Variants in CSMD1 observed in about 807,000 individuals in gnomAD.
CSMD1 encodes CUB and Sushi multiple domains 1, also known as CUB and sushi domain-containing protein 1.
CSMD1 carries 213 observed loss-of-function variants against 417.5 expected under a neutral mutation model. That is an observed-to-expected ratio of 0.51 (90% CI 0.46 to 0.57). The LOEUF is 0.57. CSMD1 is among the 20% of genes least tolerant of loss of function. The probability of loss-of-function intolerance (pLI) is 0.00; values close to 1 mark genes in which losing one functional copy is unlikely to be tolerated. For synonymous variants in CSMD1, 2,862 were observed against 1,736.8 expected (o/e 1.65, Z -16.11); for missense variants, 6,923 against 4,529.7 (o/e 1.53, Z -15.17).
chr8:4,199,262 A>G (rs1337020276), intron 3 of CSMD1, among the ~76,000 whole-genome samples: 2 of 152,228 alleles, frequency 1.3e-5, no homozygotes, highest in Non-Finnish European at 2.9e-5. Flanking sequence ...CGCTAAATTC[A>G]TACATCTTCT....
chr8:4,187,701 A>G (rs1161534095), intron 3 of CSMD1, among the ~76,000 whole-genome samples: 1 of 144,886 alleles, frequency 6.9e-6, no homozygotes, highest in Admixed American at 7.0e-5. Context: ...AAAAGCATTC[A>G]GGAAGTTTAT....
intron 1 of CSMD1, among the ~76,000 whole-genome samples, chr8:4,908,490 G>A (rs1697801425): frequency 6.6e-6 from 1 of 152,054 alleles, no homozygotes; most frequent in African/African-American, 2.4e-5. Flanking sequence ...ATTTTACGGT[G>A]TACCTTTTGA....
intron 1 of CSMD1, among the ~76,000 whole-genome samples, chr8:4,935,788 C>A (rs867086455): frequency 6.6e-6 from 1 of 152,160 alleles, no homozygotes; most frequent in African/African-American, 2.4e-5. Context: ...ACGAGGAATA[C>A]AAGAATAGGA....
At chr8:4,752,035 T>C (rs1284319375) in intron 1 of CSMD1, among the ~76,000 whole-genome samples, 1 of 152,210 alleles carries the variant, frequency 6.6e-6, no homozygotes. Flanking sequence ...TAAATATGTA[T>C]ATGCAAACTG....
At position 4,214,648 on chromosome 8, in the gene CSMD1, G is replaced by T. The variant is rs193104650; in HGVS notation, c.416-182549C>A. Among the ~76,000 whole-genome samples, 45 of 152,196 alleles carry T rather than the reference G, an allele frequency of 3.0e-4. No homozygotes were observed. In the East Asian group the frequency reaches 8.1e-3, roughly 27 times the overall value. On this transcript the variant is annotated intron_variant, in intron 3 of 69. Coordinates refer to ENST00000635120, the MANE Select transcript of CSMD1 (RefSeq NM_033225.6). ...ACACTGAGTATGTATTTGCATGCAC[G>T]TGTATGTGTGTGTGTATGAGTATGA...
chr8:3,533,710 T>C (rs1231644420), intron 10 of CSMD1, among the ~76,000 whole-genome samples: 2 of 152,214 alleles, frequency 1.3e-5, no homozygotes, highest in Non-Finnish European at 2.9e-5. Context: ...TCCACCGTGA[T>C]GTATCATCCT....
chr8:3,639,999 G>C (rs1217623064), intron 7 of CSMD1, among the ~76,000 whole-genome samples: 1 of 152,304 alleles, frequency 6.6e-6, no homozygotes, highest in East Asian at 1.9e-4. Context: ...TTGGGATATA[G>C]TAGGTGCTCA....
chr8:3,552,333 T>A (rs1013370489), intron 10 of CSMD1, among the ~76,000 whole-genome samples: 1 of 152,204 alleles, frequency 6.6e-6, no homozygotes, highest in Non-Finnish European at 1.5e-5. Context: ...TATTCTCTTT[T>A]TTTTTGCATA....
intron 3 of CSMD1, among the ~76,000 whole-genome samples, chr8:4,217,489 T>A (rs1481320453): frequency 6.6e-6 from 1 of 152,130 alleles, no homozygotes; most frequent in African/African-American, 2.4e-5. Flanking sequence ...AAGGGTCACA[T>A]GACTCGTCCC....
At chr8:4,921,529 G>A (rs1421656458) in intron 1 of CSMD1, among the ~76,000 whole-genome samples, 2 of 152,102 alleles carry the variant, frequency 1.3e-5, no homozygotes, top group African/African-American at 4.8e-5. Flanking sequence ...TATATAGTTG[G>A]TAAAATGGCA....
intron 25 of CSMD1, among the ~76,000 whole-genome samples, chr8:3,291,863 T>A (rs1211763978): frequency 1.8e-4 from 28 of 152,298 alleles, no homozygotes; most frequent in Admixed American, 1.6e-3. Flanking sequence ...TCTTGCCTTC[T>A]GCTAGCTTTT....
chr8:4,927,593 G>T (rs1337489326), intron 1 of CSMD1, among the ~76,000 whole-genome samples: 1 of 152,118 alleles, frequency 6.6e-6, no homozygotes, highest in Non-Finnish European at 1.5e-5. Flanking sequence ...GTTCTTAGAG[G>T]TTCTTCATGG....
intron 5 of CSMD1, among the ~76,000 whole-genome samples, chr8:3,854,091 T>C (rs1158678779): frequency 6.9e-6 from 1 of 145,466 alleles, no homozygotes; most frequent in Non-Finnish European, 1.5e-5. Flanking sequence ...TAAAGAAAAA[T>C]TACATTATAC....
Position 3,884,715 on chromosome 8 carries a change from C to G in CSMD1, c.818+113188G>C, listed in dbSNP as rs566612276. ...AGTACTAACTCAACTGAGAAAATGT[C>G]CATGATTGGCCTTAACTTGTATAAA... On this transcript the variant is annotated intron_variant, in intron 5 of 69. Coordinates refer to ENST00000635120, the MANE Select transcript of CSMD1 (RefSeq NM_033225.6). 5.3e-5 allele frequency among the ~76,000 whole-genome samples: 8 copies of G among 152,134 alleles called. No homozygotes were observed. In the South Asian group the frequency reaches 1.5e-3, roughly 28 times the overall value.
At chr8:3,518,526 C>A (rs1797374724) in intron 10 of CSMD1, among the ~76,000 whole-genome samples, 1 of 152,174 alleles carries the variant, frequency 6.6e-6, no homozygotes, top group East Asian at 1.9e-4. Flanking sequence ...CTAAAATGAT[C>A]AATGATTGCC....
At chr8:4,448,845 C>G (rs1798967450) in intron 2 of CSMD1, among the ~76,000 whole-genome samples, 1 of 152,116 alleles carries the variant, frequency 6.6e-6, no homozygotes, top group South Asian at 2.1e-4. Flanking sequence ...ATTTCTCTAT[C>G]TTCTTTCTGA....
intron 1 of CSMD1, among the ~76,000 whole-genome samples, chr8:4,651,455 A>G (rs6997228): frequency 0.046 from 7,060 of 152,246 alleles, 446 homozygotes; most frequent in African/African-American, 0.13. Context: ...GCTTGATTAT[A>G]GTCATATACT....
intron 9 of CSMD1, among the ~76,000 whole-genome samples, chr8:3,575,961 A>G (rs1800134730): frequency 6.6e-6 from 1 of 151,964 alleles, no homozygotes; most frequent in Non-Finnish European, 1.5e-5. Flanking sequence ...AACTAATTTC[A>G]CAAGAAGAAA....
chr8:4,416,423 CAAAT>C (rs1223982380), intron 3 of CSMD1, among the ~76,000 whole-genome samples: 2 of 151,876 alleles, frequency 1.3e-5, no homozygotes, highest in African/African-American at 4.8e-5. Flanking sequence ...TATGATTTCC[CAAAT>C]ATTTTAGAAA....
Sources: gnomAD v4.1 joint callset for allele counts (sites outside exome capture counted in the v4.1 genomes callset) on GRCh38, gnomAD v4.1.1 for gene constraint, MANE v1.5 for transcripts, NCBI Gene and HGNC (gene_info 2026-07-23, HGNC 2026-07-21) for gene names.